The following PFKFB3 variants were observed in gnomAD, a reference collection of about 807,000 sequenced individuals.
PFKFB3 encodes 6-phosphofructo-2-kinase/fructose-2,6-bisphosphatase 3.
In PFKFB3, 33 loss-of-function variants were observed where a neutral mutation model predicts 68.0. The ratio of observed to expected loss-of-function variants is 0.49; its 90% CI spans 0.37 to 0.65. The LOEUF (loss-of-function observed/expected upper bound fraction) is 0.65. Ranked by LOEUF, PFKFB3 falls within the 30% of genes least tolerant of loss-of-function variation. The pLI, the probability that PFKFB3 is intolerant of heterozygous loss-of-function variation, is 0.00. For synonymous variants in PFKFB3, 315 were observed against 288.2 expected, an observed-to-expected ratio of 1.09 and a Z score of -0.94; for missense variants, 586 against 712.2, an observed-to-expected ratio of 0.82 and a Z score of 2.02.
chr10:6,181,808 AAAAAAAAAAAAGAC>A (rs1399901374), intron 1 of PFKFB3, among the ~76,000 whole-genome samples: 1 of 151,806 alleles, frequency 6.6e-6, no homozygotes, highest in East Asian at 1.9e-4. Context: ...AAAAAAAAAA[AAAAAAAAAAAAGAC>A]AAATACTGCA....
intron 1 of PFKFB3, among the ~76,000 whole-genome samples, chr10:6,147,390 G>A (rs1841427358): frequency 6.6e-6 from 1 of 152,226 alleles, no homozygotes; most frequent in African/African-American, 2.4e-5. Context: ...TGGAAGCTGA[G>A]CAGGGACAAC....
rs542344370 is a variant in PFKFB3 at position 6,157,295 on chromosome 10, C to T, written c.16+12282C>T. Among the ~76,000 whole-genome samples, 75 of 150,694 alleles carry T rather than the reference C, an allele frequency of 5.0e-4. 1 individual carries two copies. Among genetic ancestry groups the T allele is most frequent in the African/African-American group, 1.6e-3 (66 of 41,186 alleles). ...AGGCTGGAGTGCAGTGGCGCGATCT[C>T]GGCTCACTGCAAGCTCCACCTCCTG... is the stretch of plus-strand genomic sequence containing the variant. On this transcript the variant is annotated intron_variant, in intron 1 of 14. Coordinates refer to the PFKFB3 transcript ENST00000379789.
rs1378685000 is a variant in PFKFB3 at position 6,219,617 on chromosome 10, G to A, written c.547G>A (p.Ala183Thr). ...PDYKDCNSAEAMDDFMKRISC... is the reference protein window; with the variant it reads ...PDYKDCNSAETMDDFMKRISC... ...TTACAAAGACTGCAACTCGGCAGAA[G>A]CCATGGACGACTTCATGAAGAGGAT... The change falls in exon 7 of 15, where the codon GCC (alanine) becomes ACC (threonine). Residue 183 changes from alanine to threonine, a missense_variant. By Grantham distance (58) the Ala-to-Thr change is moderately conservative (BLOSUM62 0). Coordinates refer to ENST00000379775, the MANE Select transcript of PFKFB3 (RefSeq NM_004566.4). 6.2e-7 allele frequency: 1 copy of A among 1,613,846 alleles called. No individual in the cohort carries two copies.
At chr10:6,179,084 A>G (rs1413979508) in intron 1 of PFKFB3, among the ~76,000 whole-genome samples, 1 of 152,268 alleles carries the variant, frequency 6.6e-6, no homozygotes, top group Admixed American at 6.5e-5. Context: ...GCCGTATTCA[A>G]TAAAAGGGAG....
the PFKFB3 span, among the ~76,000 whole-genome samples, chr10:6,291,555 CA>C: frequency 0.04 from 2,362 of 59,152 alleles, 34 homozygotes; most frequent in African/African-American, 0.099. Flanking sequence ...GACTCTGTCT[CA>C]AAAAAAAAAA....
In PFKFB3 at chr10:6,234,611, T is replaced by C. The variant is rs1064891; in HGVS notation, c.*1669T>C. The C allele has an allele frequency of 0.37, 56,709 of 151,876 alleles. 11,094 individuals are homozygous for C. The highest frequency in any genetic ancestry group is 0.48 in the Middle Eastern group (139 of 292). 9.4% of individuals were successfully genotyped at this position (151,876 alleles called of 1,614,324 possible). On this transcript the variant is annotated 3_prime_UTR_variant, in exon 15 of 15. Transcript: ENST00000379775. The stretch of plus-strand genomic sequence containing the variant: ...CCAGGCTCGCGCAGTTTTCTCTCTC[T>C]CCCTGGATGTTGAGTCTCATCAGAA...
At position 6,154,803 on chromosome 10, in the gene PFKFB3, T is replaced by A. The variant is rs2131690031; in HGVS notation, c.16+9790T>A. Among the ~76,000 whole-genome samples the A allele has an allele frequency of 6.6e-6, 1 of 152,312 alleles. No individual in the cohort carries two copies. Among genetic ancestry groups the A allele is most frequent in the South Asian group, 2.1e-4 (1 of 4,828 alleles). On this transcript the variant is annotated intron_variant, in intron 1 of 14. Coordinates refer to the PFKFB3 transcript ENST00000379789. This position sits in a 1 kb window ranked among gnomAD's most constrained non-coding sequence, Gnocchi z 4.6. ...GTAGCTCCCCCAGCTGCCTTCTGTC[T>A]GATCTGGGGAGACGCTGGGAGCCAG... is the stretch of plus-strand genomic sequence containing the variant.
At position 6,215,261 on chromosome 10, in the gene PFKFB3, G is replaced by A. The variant is rs1447821828; in HGVS notation, c.243G>A (p.Gln81=). 6 of 1,613,934 alleles carry A rather than the reference G, an allele frequency of 3.7e-6. No homozygotes were observed. The highest frequency in any genetic ancestry group is 2.2e-5 in the East Asian group (1 of 44,900). ...VGEYRREAVK[Q]YSSYNFFRPD... is the part of the protein sequence containing the mutation. ...AGTATCGCCGGGAGGCTGTGAAGCA[G>A]TACAGCTCCTACAACTTCTTCCGCC... is the stretch of plus-strand genomic sequence containing the variant. The change falls in exon 3 of 15, where the codon CAG becomes CAA. Residue 81 remains glutamine (Q), a synonymous_variant. Coordinates refer to ENST00000379775, the MANE Select transcript of PFKFB3 (RefSeq NM_004566.4). This position sits in a 1 kb window ranked among gnomAD's most constrained non-coding sequence, Gnocchi z 4.3.
the PFKFB3 span, among the ~76,000 whole-genome samples, chr10:6,270,088 C>A: frequency 6.6e-6 from 1 of 152,012 alleles, no homozygotes; most frequent in South Asian, 2.1e-4. Context: ...GCCGAGATCG[C>A]GCCATTGTAC....
intron 1 of PFKFB3, among the ~76,000 whole-genome samples, chr10:6,186,261 G>A (rs1451015139): frequency 1.3e-5 from 2 of 152,200 alleles, no homozygotes; most frequent in African/African-American, 4.8e-5. Flanking sequence ...TACTGGACCA[G>A]CAGTGGCTTA....
At chr10:6,179,311 G>A (rs548596474) in intron 1 of PFKFB3, among the ~76,000 whole-genome samples, 35 of 152,230 alleles carry the variant, frequency 2.3e-4, no homozygotes, top group Non-Finnish European at 4.7e-4. Flanking sequence ...GGGCGAAGCC[G>A]ACAAGAGCCC....
At chr10:6,199,658 A>ATTTTTTTTTTTTTTTTT (rs143309528), upstream of PFKFB3, among the ~76,000 whole-genome samples, 16 of 75,594 alleles carry the variant, frequency 2.1e-4, no homozygotes, top group Admixed American at 7.4e-4. Context: ...CTATTTTTAA[A>ATTTTTTTTTTTTTTTTT]TTTTTTTTTT....
At chr10:6,293,949 G>T in the PFKFB3 span, 1 of 499,730 alleles carries the variant, frequency 2.0e-6, no homozygotes, top group Non-Finnish European at 4.0e-6. Flanking sequence ...GGTCCTTATG[G>T]CTTCACGAAT....
intron 6 of PFKFB3, among the ~76,000 whole-genome samples, chr10:6,219,124 G>A (rs2131970166): frequency 6.6e-6 from 1 of 152,330 alleles, no homozygotes; most frequent in Non-Finnish European, 1.5e-5. Flanking sequence ...GGGGGGTGGA[G>A]GAGAAACCAC....
chr10:6,180,801 T>G (rs933989041), intron 1 of PFKFB3, among the ~76,000 whole-genome samples: 1 of 152,330 alleles, frequency 6.6e-6, no homozygotes, highest in Non-Finnish European at 1.5e-5. Context: ...TATGCAATTC[T>G]GTGTTCTGAG....
At chr10:6,320,970 A>G in the PFKFB3 span, among the ~76,000 whole-genome samples, 1 of 152,148 alleles carries the variant, frequency 6.6e-6, no homozygotes, top group African/African-American at 2.4e-5. Flanking sequence ...TTCTGTGTCC[A>G]TTTCTGAACC....
rs1844814008 is a variant in PFKFB3 at position 6,219,602 on chromosome 10, T to G, written c.532T>G (p.Cys178Gly). Reference sequence around the variant, plus strand: ...AATCTCCAGCCCGGATTACAAAGACTGCAACTCGGCAGAAGCCATGGACGA... The same window carrying G: ...AATCTCCAGCCCGGATTACAAAGACGGCAACTCGGCAGAAGCCATGGACGA... ...VKISSPDYKD[C>G]NSAEAMDDFM... The change falls in exon 7 of 15, where the codon TGC becomes GGC. Residue 178 changes from cysteine (C) to glycine (G), a missense_variant. By Grantham distance (159) the Cys-to-Gly change is radical. Transcript: ENST00000379775. The G allele has an allele frequency of 1.2e-6, 2 of 1,613,878 alleles. No individual in the cohort carries two copies. The highest frequency in any genetic ancestry group is 8.5e-7 in the Non-Finnish European group (1 of 1,179,912).
In PFKFB3 at chr10:6,221,526, C is replaced by T. The variant is rs35117690; in HGVS notation, c.977C>T (p.Ala326Val). The T allele has an allele frequency of 9.3e-6, 15 of 1,613,138 alleles. No individual in the cohort carries two copies. Among genetic ancestry groups the T allele is most frequent in the Middle Eastern group, 3.3e-4 (2 of 6,058 alleles). The change falls in exon 9 of 15, where the codon GCG becomes GTG. Residue 326 changes from alanine to valine, a missense_variant and splice_region_variant. Coordinates refer to ENST00000379775, the MANE Select transcript of PFKFB3 (RefSeq NM_004566.4). ...EQWKALNEID[A>V]GVCEELTYEE... ...TGGAAGGCGCTCAATGAGATCGACG[C>T]GGTGAGTCCTGGGAGGCGGGCAGGC...
the PFKFB3 span, among the ~76,000 whole-genome samples, chr10:6,320,609 G>A: frequency 6.6e-6 from 1 of 152,078 alleles, no homozygotes; most frequent in African/African-American, 2.4e-5. Flanking sequence ...TTTTTCAGTA[G>A]CGACGAGGTC....
Sources: gnomAD v4.1 joint callset for allele counts (sites outside exome capture counted in the v4.1 genomes callset) on GRCh38, gnomAD v4.1.1 for gene constraint, Gnocchi (gnomAD v3.1) non-coding constraint, MANE v1.5 for transcripts, NCBI Gene and HGNC (gene_info 2026-07-23, HGNC 2026-07-21) for gene names.